The following C6 variants were observed in gnomAD, a reference collection of about 807,000 sequenced individuals.
The protein encoded by C6 is complement C6, also known as complement component C6.
C6 carries 101 observed loss-of-function variants against 112.9 expected under a neutral mutation model. That is an observed-to-expected ratio of 0.89 (90% CI 0.76 to 1.06). The LOEUF is 1.06. C6 is among the 50% of genes least tolerant of loss of function. C6 has a pLI of 0.00. For synonymous variants in C6, 431 were observed against 384.1 expected (o/e 1.12, Z -1.43); for missense variants, 1,202 against 1,104.6 (o/e 1.09, Z -1.25).
At chr5:41,183,796 G>T (rs987893699) in intron 6 of C6, among the ~76,000 whole-genome samples, 28 of 152,182 alleles carry the variant, frequency 1.8e-4, no homozygotes, top group Admixed American at 3.3e-4. Context: ...AATACTAGCA[G>T]CCATAAAAAG....
intron 9 of C6, among the ~76,000 whole-genome samples, chr5:41,162,485 T>C (rs1747610295): frequency 6.6e-6 from 1 of 152,218 alleles, no homozygotes; most frequent in Non-Finnish European, 1.5e-5. Context: ...ACAATGTTTC[T>C]TTAGACACAA....
chr5:41,144,576 CT>C (rs1392143278), intron 17 of C6, among the ~76,000 whole-genome samples: 5 of 152,094 alleles, frequency 3.3e-5, no homozygotes, highest in African/African-American at 1.2e-4. Flanking sequence ...CAGATTTTCT[CT>C]TTTTTCTTTT....
chr5:41,187,056 G>A (rs1245096193), intron 5 of C6, among the ~76,000 whole-genome samples: 1 of 152,114 alleles, frequency 6.6e-6, no homozygotes, highest in Non-Finnish European at 1.5e-5. Flanking sequence ...TTTTCTACAG[G>A]TCATGTCACA....
chr5:41,171,971 T>A lies in C6; in HGVS notation c.1291+254A>T, dbSNP rs75945290. Among the ~76,000 whole-genome samples, 580 of 152,310 alleles carry A rather than the reference T, an allele frequency of 3.8e-3. 3 individuals are homozygous for A. Among genetic ancestry groups the A allele is most frequent in the African/African-American group, 0.013 (553 of 41,586 alleles). ...CTTCACAATGCCTAATATTGAGTTC[T>A]GTCCATGAGCAAAATCAATAAATTA... On this transcript the variant is annotated intron_variant, in intron 9 of 17. Coordinates refer to ENST00000337836, the MANE Select transcript of C6 (RefSeq NM_000065.5).
intron 1 of C6, among the ~76,000 whole-genome samples, chr5:41,254,577 A>AAG (rs1436405500): frequency 3.3e-5 from 5 of 152,208 alleles, no homozygotes; most frequent in African/African-American, 1.2e-4. Flanking sequence ...GTGGAGAGTG[A>AAG]AGAGAACCTT....
At chr5:41,168,693 G>C (rs1748180729) in intron 9 of C6, among the ~76,000 whole-genome samples, 1 of 152,050 alleles carries the variant, frequency 6.6e-6, no homozygotes, top group Non-Finnish European at 1.5e-5. Flanking sequence ...TAAAGTCCTA[G>C]GACCCTCAGT....
In C6 at chr5:41,199,878, A is replaced by G; in HGVS notation, c.335T>C (p.Phe112Ser). ...KVRSVLRPSQ[F>S]GGQPCTAPLV... is the part of the protein sequence containing the mutation. ...AGGCGCAGTGCATGGCTGTCCCCCA[A>G]ACTGACTGGGACGCAAGACAGATCT... Residue 112 changes from phenylalanine to serine, a missense_variant, in exon 4 of 18, where the codon TTT becomes TCT. Transcript: ENST00000337836. 6.2e-7 allele frequency: 1 copy of G among 1,613,758 alleles called. No individual in the cohort carries two copies. Among genetic ancestry groups the G allele is most frequent in the Non-Finnish European group, 8.5e-7 (1 of 1,179,726 alleles).
chr5:41,177,769 T>A (rs1748976531), intron 7 of C6, among the ~76,000 whole-genome samples: 1 of 152,240 alleles, frequency 6.6e-6, no homozygotes. Context: ...TGGCCTTCTA[T>A]ACATTCATTG....
In C6 at chr5:41,158,529, CA is replaced by C. The variant is rs112189669; in HGVS notation, c.1968+144del. The stretch of plus-strand genomic sequence containing the variant: ...TAGGAAATTCAAGATGGAAGAGTGG[CA>C]AAGTGTTTCTAAATATTATTTTGTA... On this transcript the variant is annotated intron_variant, in intron 13 of 17. Coordinates refer to ENST00000337836, the MANE Select transcript of C6 (RefSeq NM_000065.5). The C allele has an allele frequency of 8.9e-5, 60 of 674,588 alleles. No homozygotes were observed. In the African/African-American group the frequency reaches 9.7e-4, roughly 11 times the overall value. 41.8% of individuals were successfully genotyped at this position (674,588 alleles called of 1,614,324 possible).
intron 13 of C6, among the ~76,000 whole-genome samples, chr5:41,155,729 A>T (rs1356983034): frequency 2.6e-5 from 4 of 151,996 alleles, no homozygotes; most frequent in Non-Finnish European, 4.4e-5. Flanking sequence ...ATCCTGTCTC[A>T]AAACAAAAAC....
At chr5:41,202,615 T>C (rs544981979) in intron 2 of C6, among the ~76,000 whole-genome samples, 419 of 152,310 alleles carry the variant, frequency 2.8e-3, no homozygotes, top group Non-Finnish European at 4.5e-3. Context: ...GAAGTCTGAA[T>C]TGGTGAAAAG....
chr5:41,260,374 A>G (rs1387703901), intron 1 of C6, among the ~76,000 whole-genome samples: 2 of 152,022 alleles, frequency 1.3e-5, no homozygotes, highest in Non-Finnish European at 2.9e-5. Flanking sequence ...CGTTATATCA[A>G]AACTTGTAAT....
chr5:41,250,302 G>T (rs958127901), intron 1 of C6, among the ~76,000 whole-genome samples: 2 of 152,116 alleles, frequency 1.3e-5, no homozygotes, highest in African/African-American at 4.8e-5. Context: ...AACCTTGTGG[G>T]TCTCAGCTTT....
chr5:41,181,326 AAAG>A (rs1561136536), intron 7 of C6, 30 bp downstream of exon 7: 2 of 1,582,120 alleles, frequency 1.3e-6, no homozygotes, highest in South Asian at 2.2e-5. Context: ...AATTTTCAAG[AAAG>A]AATAAAAGGT....
chr5:41,196,576 G>A (rs1333001079), intron 4 of C6, among the ~76,000 whole-genome samples: 2 of 151,572 alleles, frequency 1.3e-5, no homozygotes, highest in Non-Finnish European at 2.9e-5. Flanking sequence ...CATAATTTGT[G>A]AAAGCAAAAT....
upstream of C6, among the ~76,000 whole-genome samples, chr5:41,216,146 C>T (rs1456577078): frequency 1.3e-5 from 2 of 152,126 alleles, no homozygotes; most frequent in Non-Finnish European, 2.9e-5. Context: ...CTCTTTCCTA[C>T]TAAAATTATT....
intron 1 of C6, 35 bp from the exon 2 acceptor site, chr5:41,203,285 C>G: frequency 6.2e-7 from 1 of 1,604,656 alleles, no homozygotes. Flanking sequence ...ATATCAAATG[C>G]TTTTTTGAGG....
intron 1 of C6, among the ~76,000 whole-genome samples, chr5:41,229,311 T>C (rs1242708610): frequency 6.6e-6 from 1 of 151,692 alleles, no homozygotes. Context: ...TAGGTGTTTA[T>C]CTCTATAAAC....
Position 41,159,081 on chromosome 5 carries a change from C to A in C6, c.1856+1G>T, listed in dbSNP as rs111663292. 2 of 1,613,648 alleles carry A rather than the reference C, an allele frequency of 1.2e-6. No homozygotes were observed. The highest frequency in any genetic ancestry group is 1.7e-6 in the Non-Finnish European group (2 of 1,179,676). On this transcript the variant is annotated splice_donor_variant, in intron 12 of 17. Coordinates refer to ENST00000337836, the MANE Select transcript of C6 (RefSeq NM_000065.5). LOFTEE classifies it high-confidence loss of function. ...CATTCTTTTCCCTTACCCGGCCTTA[C>A]TTGTTTTCCATGATTGAAAATGTGC... is the stretch of plus-strand genomic sequence containing the variant.
Sources: allele counts gnomAD v4.1 joint callset (sites outside exome capture counted in the v4.1 genomes callset), GRCh38; gene constraint gnomAD v4.1.1; transcripts MANE v1.5; gene names NCBI Gene and HGNC (gene_info 2026-07-23, HGNC 2026-07-21).